Variants in TENM2 observed in about 807,000 individuals in gnomAD.
TENM2 encodes the protein teneurin-2.
Under a neutral mutation model 245.2 loss-of-function variants are expected in TENM2, and 52 were observed. The ratio of observed to expected loss-of-function variants is 0.21; its 90% CI spans 0.17 to 0.27. The LOEUF is 0.27. TENM2 is among the 10% of genes least tolerant of loss of function. The pLI is 1.00. For synonymous variants in TENM2, 1,363 were observed against 1,438.9 expected, an observed-to-expected ratio of 0.95 and a Z score of 1.19; for missense variants, 3,046 against 3,666.8, an observed-to-expected ratio of 0.83 and a Z score of 4.37.
chr5:167,314,254 G>A (rs77414258), intron 1 of TENM2, among the ~76,000 whole-genome samples: 4 of 151,824 alleles, frequency 2.6e-5, no homozygotes, highest in Admixed American at 2.6e-4. Context: ...TCTTAATTTT[G>A]TTAAGGAAAA....
chr5:167,975,768 T>C (rs1438811304), intron 4 of TENM2, among the ~76,000 whole-genome samples: 1 of 151,294 alleles, frequency 6.6e-6, no homozygotes, highest in African/African-American at 2.4e-5. Context: ...CCTCAAAGAG[T>C]CTGATGTAAA....
chr5:167,960,547 C>A (rs1207252572), intron 4 of TENM2, among the ~76,000 whole-genome samples: 2 of 151,806 alleles, frequency 1.3e-5, no homozygotes, highest in Non-Finnish European at 2.9e-5. Flanking sequence ...CCCCCTCCCT[C>A]CCACCAAGCT....
chr5:168,244,794 G>C lies in TENM2; in HGVS notation c.5817+78G>C. On this transcript the variant is annotated intron_variant, in intron 26 of 28. Transcript: ENST00000518659. This position sits in a 1 kb window ranked among gnomAD's most constrained non-coding sequence, Gnocchi z 4.9. Reference sequence around the variant, plus strand: ...CCGGCTTCTTTTTTTTTTTGAGACAGAGACTTGCTCTGTTGCCCAGGCTGG... The same window carrying C: ...CCGGCTTCTTTTTTTTTTTGAGACACAGACTTGCTCTGTTGCCCAGGCTGG... 8.0e-7 allele frequency: 1 copy of C among 1,246,758 alleles called. No homozygotes were observed. Among genetic ancestry groups the C allele is most frequent in the South Asian group, 2.2e-5 (1 of 44,532 alleles). The allele number at this position is 1,246,758 out of a possible 1,614,324, so 77.2% of individuals were successfully genotyped here.
At chr5:167,371,345 TTTTC>T (rs1760418334) in intron 1 of TENM2, among the ~76,000 whole-genome samples, 1 of 148,642 alleles carries the variant, frequency 6.7e-6, no homozygotes, top group Non-Finnish European at 1.5e-5. Context: ...TTTTTTTTTT[TTTTC>T]TTTCTTTTCT....
intron 1 of TENM2, among the ~76,000 whole-genome samples, chr5:167,328,215 T>G (rs1161564077): frequency 1.5e-4 from 22 of 148,962 alleles, no homozygotes; most frequent in Non-Finnish European, 3.3e-4. Flanking sequence ...TTTTTTTTTT[T>G]TTTTTTTTTT....
At chr5:167,118,039 C>G in the TENM2 span, among the ~76,000 whole-genome samples, 1 of 152,194 alleles carries the variant, frequency 6.6e-6, no homozygotes, top group African/African-American at 2.4e-5. Context: ...TCCAATATTA[C>G]TTCTCTGATT....
intron 2 of TENM2, among the ~76,000 whole-genome samples, chr5:167,736,160 C>T (rs1199326662): frequency 6.6e-6 from 1 of 151,854 alleles, no homozygotes; most frequent in Non-Finnish European, 1.5e-5. Flanking sequence ...ATGGCAGCAG[C>T]GAGGAGAAGT....
chr5:167,878,867 T>A (rs930236615), intron 3 of TENM2, among the ~76,000 whole-genome samples: 1 of 152,190 alleles, frequency 6.6e-6, no homozygotes, highest in African/African-American at 2.4e-5. Context: ...CAGAATTTTT[T>A]AAATTTGTCT....
chr5:167,884,793 T>C (rs1774156286), intron 3 of TENM2, among the ~76,000 whole-genome samples: 1 of 152,194 alleles, frequency 6.6e-6, no homozygotes. Context: ...CATTGAATCA[T>C]ACAGTAATTC....
At chr5:168,009,365 C>G (rs998753858) in intron 5 of TENM2, among the ~76,000 whole-genome samples, 2 of 152,190 alleles carry the variant, frequency 1.3e-5, no homozygotes, top group African/African-American at 4.8e-5. Flanking sequence ...CAGGTTTAAA[C>G]TCTAATGCAT....
At chr5:167,659,533 A>G (rs1016333729) in intron 2 of TENM2, among the ~76,000 whole-genome samples, 4 of 152,232 alleles carry the variant, frequency 2.6e-5, no homozygotes, top group African/African-American at 9.6e-5. Context: ...TTGATACATA[A>G]GAAATGTAGA....
chr5:167,173,084 A>C, the TENM2 span, among the ~76,000 whole-genome samples: 2 of 152,190 alleles, frequency 1.3e-5, no homozygotes, highest in Admixed American at 6.5e-5. Context: ...TTCTTACTTA[A>C]GACTGTGGTG....
At chr5:168,101,947 T>G (rs1476727995) in intron 9 of TENM2, among the ~76,000 whole-genome samples, 1 of 152,234 alleles carries the variant, frequency 6.6e-6, no homozygotes, top group East Asian at 1.9e-4. Flanking sequence ...TGATCTTTCA[T>G]GTACCACCTT....
intron 2 of TENM2, among the ~76,000 whole-genome samples, chr5:167,482,395 T>C (rs1409226881): frequency 1.3e-5 from 2 of 152,218 alleles, no homozygotes; most frequent in Non-Finnish European, 2.9e-5. Context: ...GAGTCTCCTT[T>C]GGTGGGATCA....
chr5:167,923,310 C>T (rs1320154667), intron 3 of TENM2, among the ~76,000 whole-genome samples: 2 of 144,616 alleles, frequency 1.4e-5, no homozygotes, highest in Non-Finnish European at 3.0e-5. Flanking sequence ...GAGTAAGACT[C>T]TGTCTCCAAA....
intron 2 of TENM2, among the ~76,000 whole-genome samples, chr5:167,434,106 T>C (rs984946207): frequency 6.6e-6 from 1 of 152,084 alleles, no homozygotes; most frequent in African/African-American, 2.4e-5. Flanking sequence ...AATAAGTATA[T>C]ATTGGAATCA....
At chr5:167,966,223 A>G (rs1255532363) in intron 4 of TENM2, among the ~76,000 whole-genome samples, 1 of 152,204 alleles carries the variant, frequency 6.6e-6, no homozygotes, top group African/African-American at 2.4e-5. Flanking sequence ...TGCATATTAT[A>G]AAATATGAGT....
At chr5:167,177,482 ACTTGCAT>A in the TENM2 span, among the ~76,000 whole-genome samples, 9 of 152,142 alleles carry the variant, frequency 5.9e-5, no homozygotes, top group Non-Finnish European at 8.8e-5. Context: ...ATCCTTATTT[ACTTGCAT>A]GTATTCCCTG....
intron 5 of TENM2, among the ~76,000 whole-genome samples, chr5:168,033,368 T>C (rs1207452111): frequency 6.6e-6 from 1 of 152,190 alleles, no homozygotes; most frequent in African/African-American, 2.4e-5. Context: ...TTTTAGTAGC[T>C]AGGTGGCAGT....
Sources: gnomAD v4.1 joint callset for allele counts (sites outside exome capture counted in the v4.1 genomes callset) on GRCh38, gnomAD v4.1.1 for gene constraint, Gnocchi (gnomAD v3.1) non-coding constraint, MANE v1.5 for transcripts, NCBI Gene and HGNC (gene_info 2026-07-23, HGNC 2026-07-21) for gene names.